TULP4: variants seen among roughly 807,000 people sequenced by gnomAD.
The protein encoded by TULP4 is tubby-related protein 4.
Under a neutral mutation model 129.0 loss-of-function variants are expected in TULP4, and 16 were observed. The ratio of observed to expected loss-of-function variants is 0.12; its 90% CI spans 0.08 to 0.19. The LOEUF (loss-of-function observed/expected upper bound fraction) is 0.19. Among genes scored for constraint, TULP4 ranks in the 10% least tolerant of loss-of-function variants. The pLI, the probability that TULP4 is intolerant of heterozygous loss-of-function variation, is 1.00. For synonymous variants in TULP4, 998 were observed against 854.0 expected, an observed-to-expected ratio of 1.17 and a Z score of -2.94; for missense variants, 1,842 against 2,059.1, an observed-to-expected ratio of 0.89 and a Z score of 2.04.
chr6:158,447,300 A>G (rs1484891154), intron 3 of TULP4, among the ~76,000 whole-genome samples: 1 of 152,076 alleles, frequency 6.6e-6, no homozygotes, highest in Non-Finnish European at 1.5e-5. Context: ...TTTTTTTGAC[A>G]GCTAAAATTT....
At chr6:158,329,645 T>C (rs1779830174) in intron 1 of TULP4, among the ~76,000 whole-genome samples, 1 of 152,142 alleles carries the variant, frequency 6.6e-6, no homozygotes, top group Admixed American at 6.5e-5. Flanking sequence ...AAACCATCTA[T>C]TGTCTCTCCA....
intron 6 of TULP4, among the ~76,000 whole-genome samples, chr6:158,474,106 C>A (rs771218493): frequency 1.1e-4 from 16 of 152,240 alleles, no homozygotes; most frequent in Admixed American, 2.0e-4. Flanking sequence ...TAGGCATGAG[C>A]CATTGCACCT....
At chr6:158,267,543 C>G (rs1778468666) in intron 1 of TULP4, among the ~76,000 whole-genome samples, 1 of 152,160 alleles carries the variant, frequency 6.6e-6, no homozygotes, top group African/African-American at 2.4e-5. Context: ...TCTGACCCTC[C>G]CACTTCTGTT....
rs1780524927 is a variant in TULP4, at chr6:158,503,589, T to C, written c.3926T>C (p.Val1309Ala). The change falls in exon 13 of 14, where the codon GTA becomes GCA. Residue 1309 changes from valine to alanine, a missense_variant. Coordinates refer to ENST00000367097, the MANE Select transcript of TULP4 (RefSeq NM_020245.5). This position sits in a 1 kb window ranked among gnomAD's most constrained non-coding sequence, Gnocchi z 4.3. ...AGCCACTTGGGCACAGAGGTGATGGTAGAGACTGCAGACAACTTCCAGGAA... is the reference window on the plus strand; with the variant it reads ...AGCCACTTGGGCACAGAGGTGATGGCAGAGACTGCAGACAACTTCCAGGAA... ...LQSHLGTEVMVETADNFQEVL... is the reference protein window; with the variant it reads ...LQSHLGTEVMAETADNFQEVL... The C allele has an allele frequency of 6.2e-7, 1 of 1,613,762 alleles. No individual in the cohort carries two copies. Among genetic ancestry groups the C allele is most frequent in the African/African-American group, 1.3e-5 (1 of 74,854 alleles).
intron 2 of TULP4, among the ~76,000 whole-genome samples, chr6:158,426,622 C>T (rs893296229): frequency 6.6e-5 from 10 of 152,148 alleles, no homozygotes; most frequent in African/African-American, 2.4e-4. Context: ...GTTACTGTAG[C>T]CCTGTAGTAT....
upstream of TULP4, chr6:158,310,580 G>C (rs984317668): frequency 6.6e-6 from 1 of 152,072 alleles, no homozygotes; most frequent in South Asian, 2.1e-4. Context: ...ACCAGGTATC[G>C]TGAGAGTTCA....
intron 1 of TULP4, among the ~76,000 whole-genome samples, chr6:158,256,055 C>G (rs1315323736): frequency 6.6e-6 from 1 of 152,158 alleles, no homozygotes; most frequent in African/African-American, 2.4e-5. Context: ...ATGCAGTGAA[C>G]TCTTACTATT....
At chr6:158,238,425 T>C (rs1424850690) in intron 1 of TULP4, 9 of 493,972 alleles carry the variant, frequency 1.8e-5, no homozygotes, top group Non-Finnish European at 3.2e-5. Flanking sequence ...GTTTTTTTTT[T>C]TTTTTTTAAA....
rs760625616 is a variant in TULP4 at position 158,498,627 on chromosome 6, TG to T, written c.1871-40del. The T allele has an allele frequency of 2.5e-6, 4 of 1,613,318 alleles. No individual in the cohort carries two copies. In the South Asian group the frequency reaches 4.4e-5, roughly 18 times the overall value. Reference sequence around the variant, plus strand: ...CTCTCTTGACACTTTGGCTCTGCTCTGGTGTGTCTCTGTTAACTGTGCCCTT... The same window carrying T: ...CTCTCTTGACACTTTGGCTCTGCTCTGTGTGTCTCTGTTAACTGTGCCCTT... On this transcript the variant is annotated intron_variant, in intron 11 of 13. Transcript: ENST00000367097.
Position 158,452,295 on chromosome 6 carries a change from C to G in TULP4, c.859+27C>G, listed in dbSNP as rs1029092631. The stretch of plus-strand genomic sequence containing the variant: ...TACAGAATGCTGCACACACCCCAAA[C>G]CTGCAGACCGGGCCTGTGTGTGCTT... On this transcript the variant is annotated intron_variant, in intron 5 of 13. Transcript: ENST00000367097. The G allele has an allele frequency of 1.9e-6, 3 of 1,611,272 alleles. No homozygotes were observed. In the African/African-American group the frequency reaches 4.0e-5, roughly 22 times the overall value.
intron 6 of TULP4, among the ~76,000 whole-genome samples, chr6:158,473,798 G>A (rs1373757861): frequency 6.6e-6 from 1 of 152,254 alleles, no homozygotes; most frequent in East Asian, 1.9e-4. Flanking sequence ...GGGATTACAG[G>A]AGTGAGCCAT....
intron 1 of TULP4, among the ~76,000 whole-genome samples, chr6:158,285,319 G>GGA (rs1351769105): frequency 3.5e-4 from 54 of 152,182 alleles, no homozygotes; most frequent in African/African-American, 1.2e-3. Flanking sequence ...CATATTATTT[G>GGA]TTTATTGTTG....
intron 1 of TULP4, among the ~76,000 whole-genome samples, chr6:158,340,947 G>T (rs528017580): frequency 6.1e-4 from 93 of 152,186 alleles, no homozygotes; most frequent in Middle Eastern, 3.4e-3. Context: ...CTGTTTTTTT[G>T]TGTGTGTTTT....
chr6:158,237,940 A>G (rs1301574567), intron 1 of TULP4: 14 of 727,646 alleles, frequency 1.9e-5, no homozygotes, highest in South Asian at 1.8e-4. Context: ...TAGGTCACTA[A>G]TTGCCTCCTC....
At chr6:158,232,831 C>G (rs1777623563) in intron 1 of TULP4, among the ~76,000 whole-genome samples, 1 of 152,224 alleles carries the variant, frequency 6.6e-6, no homozygotes, top group Non-Finnish European at 1.5e-5. Context: ...CCCCACCTTC[C>G]GCGAAGCCCC....
At chr6:158,363,173 T>G (rs988968421) in intron 1 of TULP4, among the ~76,000 whole-genome samples, 2 of 151,668 alleles carry the variant, frequency 1.3e-5, no homozygotes, top group Non-Finnish European at 2.9e-5. Context: ...TTCTATCACA[T>G]AAAAAACTAT....
At chr6:158,461,440 A>T in intron 5 of TULP4, 123 bp from the exon 6 acceptor site, 3 of 878,002 alleles carry the variant, frequency 3.4e-6, no homozygotes, top group Non-Finnish European at 3.4e-6. Context: ...AAAAACCATG[A>T]ATATATTTTT....
At position 158,313,721 on chromosome 6, in the gene TULP4, G is replaced by C; in HGVS notation, c.-296G>C. 1 of 479,320 alleles carries C rather than the reference G, an allele frequency of 2.1e-6. No homozygotes were observed. The highest frequency in any genetic ancestry group is 3.6e-6 in the Non-Finnish European group (1 of 275,012). The allele number at this position is 479,320 out of a possible 1,614,324, so 29.7% of individuals were successfully genotyped here. ...TAATTAACGATGCTCTTTCTCCAAA[G>C]GATCAGCACGTTCTTCCTCTGAGAA... On this transcript the variant is annotated 5_prime_UTR_variant, in exon 1 of 14. Transcript: ENST00000367097.
rs59674153 is a variant in TULP4 at position 158,276,306 on chromosome 6, CTTTTTTT to C, written n.69-35735_69-35729del. Among the ~76,000 whole-genome samples, 5 of 136,184 alleles carry C rather than the reference CTTTTTTT, an allele frequency of 3.7e-5. No homozygotes were observed. The South Asian group carries it at 1.2e-3, about 32-fold the overall frequency. The allele number at this position is 136,184 out of a possible 152,430, so 89.3% of individuals were successfully genotyped here. On this transcript the variant is annotated intron_variant and non_coding_transcript_variant, in intron 1 of 1. Transcript: ENST00000620026. ...TCTTCTTCCTTCTTTCTTCTTCTTT[CTTTTTTT>C]TTTTTTTTTGAGACAAGGTTTTGCT...
Sources: allele counts gnomAD v4.1 joint callset (sites outside exome capture counted in the v4.1 genomes callset), GRCh38; gene constraint gnomAD v4.1.1; non-coding constraint Gnocchi (gnomAD v3.1); transcripts MANE v1.5; gene names NCBI Gene and HGNC (gene_info 2026-07-23, HGNC 2026-07-21).